The following SLC44A1 variants were observed in gnomAD, a reference collection of about 807,000 sequenced individuals.
SLC44A1 encodes the protein solute carrier family 44 member 1.
In SLC44A1, 26 loss-of-function variants were observed where a neutral mutation model predicts 79.3. The ratio of observed to expected loss-of-function variants is 0.33; its 90% CI spans 0.24 to 0.46. SLC44A1 has a LOEUF of 0.46. Among genes scored for constraint, SLC44A1 ranks in the 20% least tolerant of loss-of-function variants. The pLI is 1.00. For synonymous variants in SLC44A1, 263 were observed against 286.2 expected, an observed-to-expected ratio of 0.92 and a Z score of 0.82; for missense variants, 688 against 798.1, an observed-to-expected ratio of 0.86 and a Z score of 1.66.
In SLC44A1 at chr9:105,244,858, T is replaced by G; in HGVS notation, c.-11T>G. 1.8e-6 allele frequency: 2 copies of G among 1,139,006 alleles called. No individual in the cohort carries two copies. Among genetic ancestry groups the G allele is most frequent in the Non-Finnish European group, 2.1e-6 (2 of 930,398 alleles). The allele number at this position is 1,139,006 out of a possible 1,614,324, so 70.6% of individuals were successfully genotyped here. A position where few individuals can be genotyped will look rare whatever the true frequency, so the allele number is the denominator to read the frequency against. ...CGCCCGGCGCCGCCTCCGGGCTCCT[T>G]CGGCCCCGCCATGGGCTGCTGCAGC... On this transcript the variant is annotated 5_prime_UTR_variant, in exon 1 of 16. Transcript: ENST00000374720.
intron 1 of SLC44A1, among the ~76,000 whole-genome samples, chr9:105,273,951 A>C (rs1181812862): frequency 1.3e-5 from 2 of 152,178 alleles, no homozygotes. Flanking sequence ...CCACACAGTC[A>C]CATGTTAATG....
intron 12 of SLC44A1, among the ~76,000 whole-genome samples, chr9:105,370,683 C>A (rs917734966): frequency 2.6e-5 from 4 of 152,180 alleles, no homozygotes; most frequent in Admixed American, 2.6e-4. Context: ...TGGGCATTCT[C>A]CTCGTGTAAG....
chr9:105,340,645 A>T (rs977683245), intron 4 of SLC44A1, among the ~76,000 whole-genome samples: 1 of 152,256 alleles, frequency 6.6e-6, no homozygotes, highest in African/African-American at 2.4e-5. Context: ...GCAAGGCAAT[A>T]TAACATGTTT....
At chr9:105,383,959 A>G (rs1200746786) in intron 14 of SLC44A1, among the ~76,000 whole-genome samples, 1 of 152,220 alleles carries the variant, frequency 6.6e-6, no homozygotes, top group South Asian at 2.1e-4. Context: ...TAAAATTTTG[A>G]AAACCTTATT....
At chr9:105,296,064 T>A (rs2131281593) in intron 1 of SLC44A1, among the ~76,000 whole-genome samples, 1 of 152,326 alleles carries the variant, frequency 6.6e-6, no homozygotes, top group African/African-American at 2.4e-5. Flanking sequence ...AAGGTCCACT[T>A]GGTAAAAGGA....
intron 12 of SLC44A1, among the ~76,000 whole-genome samples, chr9:105,367,193 C>T (rs1031914097): frequency 6.6e-6 from 1 of 151,850 alleles, no homozygotes; most frequent in African/African-American, 2.4e-5. Flanking sequence ...GTATTAATGC[C>T]CTCATCTAAT....
In SLC44A1 at chr9:105,393,334, T is replaced by C. The variant is rs1588864951; in HGVS notation, c.*4278T>C. On this transcript the variant is annotated 3_prime_UTR_variant, in exon 16 of 16. Transcript: ENST00000374720. ...TTAACTTAGTGGCACATAGTCCAAA[T>C]TTTTAAAAAGCAAGACCCTTGAATA... is the stretch of plus-strand genomic sequence containing the variant. 2 of 985,408 alleles carry C rather than the reference T, an allele frequency of 2.0e-6. No homozygotes were observed. The highest frequency in any genetic ancestry group is 1.7e-5 in the African/African-American group (1 of 57,364). 61.0% of individuals were successfully genotyped at this position (985,408 alleles called of 1,614,324 possible).
chr9:105,370,986 T>C (rs749136840), intron 12 of SLC44A1, among the ~76,000 whole-genome samples: 6 of 152,256 alleles, frequency 3.9e-5, no homozygotes, highest in Non-Finnish European at 7.3e-5. Context: ...TATGAATAAC[T>C]GGCTCATTAG....
chr9:105,313,506 C>T (rs955882338), intron 3 of SLC44A1, among the ~76,000 whole-genome samples: 2 of 152,242 alleles, frequency 1.3e-5, no homozygotes, highest in African/African-American at 2.4e-5. Context: ...GGAGGTTCCC[C>T]TTCTAAGCTC....
At chr9:105,333,238 T>C (rs1322464371) in intron 3 of SLC44A1, among the ~76,000 whole-genome samples, 1 of 148,644 alleles carries the variant, frequency 6.7e-6, no homozygotes, top group African/African-American at 2.6e-5. Flanking sequence ...CCCTGGCAGC[T>C]TCTGGCTTTT....
intron 5 of SLC44A1, among the ~76,000 whole-genome samples, chr9:105,351,596 G>GAGAGAAAGAGAA (rs1554797147): frequency 0.026 from 2,956 of 112,956 alleles, 60 homozygotes; most frequent in Non-Finnish European, 0.033. Flanking sequence ...AAGAGAGAAA[G>GAGAGAAAGAGAA]AGAAAGAAAG....
rs1828806805 is a variant in SLC44A1, at chr9:105,393,263, A to G, written c.*4207A>G. 3 of 985,388 alleles carry G rather than the reference A, an allele frequency of 3.0e-6. No individual in the cohort carries two copies. The highest frequency in any genetic ancestry group is 3.6e-6 in the Non-Finnish European group (3 of 829,844). 61.0% of individuals were successfully genotyped at this position (985,388 alleles called of 1,614,324 possible). Reference sequence around the variant, plus strand: ...ATGCATGTTAGCCCTTTTGAAAAGTAGGCACTATTCATACACAGTAGCTTC... The same window carrying G: ...ATGCATGTTAGCCCTTTTGAAAAGTGGGCACTATTCATACACAGTAGCTTC... On this transcript the variant is annotated 3_prime_UTR_variant, in exon 16 of 16. Coordinates refer to ENST00000374720, the MANE Select transcript of SLC44A1 (RefSeq NM_080546.5).
At chr9:105,292,498 A>G (rs1244451560) in intron 1 of SLC44A1, among the ~76,000 whole-genome samples, 2 of 152,318 alleles carry the variant, frequency 1.3e-5, no homozygotes, top group African/African-American at 4.8e-5. Flanking sequence ...GTTTGCTACT[A>G]AACATTTCTG....
intron 5 of SLC44A1, among the ~76,000 whole-genome samples, chr9:105,353,060 CCTT>C (rs1564453852): frequency 1.3e-5 from 2 of 151,952 alleles, no homozygotes; most frequent in Admixed American, 6.6e-5. Flanking sequence ...CTTATGTTTG[CCTT>C]CTATTTTTGT....
intron 2 of SLC44A1, among the ~76,000 whole-genome samples, chr9:105,308,513 A>G (rs1330432245): frequency 6.6e-6 from 1 of 152,172 alleles, no homozygotes; most frequent in East Asian, 1.9e-4. Context: ...TATGTTCTCT[A>G]TTCTTTCCTT....
At chr9:105,354,094 A>G (rs1477582433) in intron 5 of SLC44A1, among the ~76,000 whole-genome samples, 1 of 113,118 alleles carries the variant, frequency 8.8e-6, no homozygotes, top group African/African-American at 3.6e-5. Flanking sequence ...TCTGTCGCCC[A>G]GGCTGGAGTG....
intron 3 of SLC44A1, among the ~76,000 whole-genome samples, chr9:105,326,367 A>C (rs547600816): frequency 6.6e-6 from 1 of 152,322 alleles, no homozygotes; most frequent in South Asian, 2.1e-4. Context: ...TAATGCACCC[A>C]GCTAAAGTTG....
At chr9:105,266,747 TA>T (rs1191135642) in intron 1 of SLC44A1, among the ~76,000 whole-genome samples, 1 of 152,254 alleles carries the variant, frequency 6.6e-6, no homozygotes, top group Non-Finnish European at 1.5e-5. Flanking sequence ...GTGAGTCCTT[TA>T]ACTTTTTGCT....
At chr9:105,299,404 T>C in intron 2 of SLC44A1, 95 bp downstream of exon 2, 2 of 721,384 alleles carry the variant, frequency 2.8e-6, no homozygotes, top group East Asian at 6.1e-5. Context: ...AATATACCAG[T>C]CCTCATACAA....
Sources: gnomAD v4.1 joint callset for allele counts (sites outside exome capture counted in the v4.1 genomes callset) on GRCh38, gnomAD v4.1.1 for gene constraint, MANE v1.5 for transcripts, NCBI Gene and HGNC (gene_info 2026-07-23, HGNC 2026-07-21) for gene names.